The following ANO6 variants were observed in gnomAD, a reference collection of about 807,000 sequenced individuals.
The protein encoded by ANO6 is anoctamin-6.
A neutral mutation model predicts 117.5 loss-of-function variants in ANO6; 106 were observed. The ratio of observed to expected loss-of-function variants is 0.90; its 90% confidence interval spans 0.77 to 1.06. ANO6 has a LOEUF of 1.06. Ranked by LOEUF, ANO6 falls within the 50% of genes least tolerant of loss-of-function variation. The pLI is 0.00. For synonymous variants in ANO6, 367 were observed against 385.1 expected (o/e 0.95, Z 0.55); for missense variants, 955 against 1,121.1 (o/e 0.85, Z 2.12).
Position 45,350,643 on chromosome 12 carries a change from C to T in ANO6, c.748-16C>T. ...ACGATGATTATGGTGCTTACATGTT[C>T]CCTTCTGCGTCACAGTGCAAATTCC... On this transcript the variant is annotated splice_polypyrimidine_tract_variant and intron_variant, in intron 6 of 19. Coordinates refer to ENST00000320560, the MANE Select transcript of ANO6 (RefSeq NM_001025356.3). The T allele has an allele frequency of 6.3e-7, 1 of 1,593,548 alleles. No individual in the cohort carries two copies. Among genetic ancestry groups the T allele is most frequent in the Non-Finnish European group, 8.6e-7 (1 of 1,161,756 alleles).
At chr12:45,438,255 G>A (rs371009855) in intron 19 of ANO6, among the ~76,000 whole-genome samples, 1 of 123,426 alleles carries the variant, frequency 8.1e-6, no homozygotes, top group East Asian at 3.9e-4. Context: ...GCGTGTATGT[G>A]TGTGTGTGTG....
At chr12:45,232,644 A>G (rs1947589563) in intron 1 of ANO6, among the ~76,000 whole-genome samples, 1 of 152,236 alleles carries the variant, frequency 6.6e-6, no homozygotes. Context: ...CAGGCTCACA[A>G]GTCCAGTCGT....
intron 1 of ANO6, among the ~76,000 whole-genome samples, chr12:45,216,721 C>T (rs1297819950): frequency 6.6e-6 from 1 of 152,234 alleles, no homozygotes; most frequent in African/African-American, 2.4e-5. Flanking sequence ...GTCACTTCCC[C>T]GACTCGCAGA....
chr12:45,226,682 T>C (rs758817794), intron 1 of ANO6, among the ~76,000 whole-genome samples: 1 of 152,108 alleles, frequency 6.6e-6, no homozygotes, highest in Non-Finnish European at 1.5e-5. Flanking sequence ...ACAAACAAAA[T>C]GATGGCTAAA....
At chr12:45,366,217 C>G (rs1012138871) in intron 8 of ANO6, among the ~76,000 whole-genome samples, 1 of 150,314 alleles carries the variant, frequency 6.7e-6, no homozygotes, top group African/African-American at 2.5e-5. Context: ...CAATTTGTGG[C>G]TTATATTTTT....
intron 1 of ANO6, among the ~76,000 whole-genome samples, chr12:45,237,264 C>T (rs1173667822): frequency 1.3e-5 from 2 of 152,154 alleles, no homozygotes; most frequent in African/African-American, 4.8e-5. Flanking sequence ...CTTATGTTGC[C>T]ATTGCTTCTG....
chr12:45,273,847 A>G lies in ANO6; in HGVS notation c.71-28167A>G, dbSNP rs142813396. 8.5e-5 allele frequency among the ~76,000 whole-genome samples: 13 copies of G among 152,258 alleles called. No homozygotes were observed. The East Asian group carries it at 2.3e-3, about 27-fold the overall frequency. ...GAGGCATAGTGTTCTAAATGAACTG[A>G]GGGTTACTAAGTGGTCTGAATACAC... On this transcript the variant is annotated intron_variant, in intron 1 of 19. Coordinates refer to ENST00000320560, the MANE Select transcript of ANO6 (RefSeq NM_001025356.3).
rs535762925 is a variant in ANO6 at position 45,274,256 on chromosome 12, T to A, written c.71-27758T>A. On this transcript the variant is annotated intron_variant, in intron 1 of 19. Coordinates refer to ENST00000320560, the MANE Select transcript of ANO6 (RefSeq NM_001025356.3). ...CTTATGTCCACTCCTTATCTCTCCC[T>A]TGCTTTACAGCTGTCGGCTTTACTT... Among the ~76,000 whole-genome samples the A allele has an allele frequency of 3.3e-5, 5 of 152,332 alleles. No individual in the cohort carries two copies. In the East Asian group the frequency reaches 7.7e-4, roughly 23 times the overall value.
At chr12:45,353,991 G>C (rs1375854895) in intron 7 of ANO6, among the ~76,000 whole-genome samples, 1 of 152,152 alleles carries the variant, frequency 6.6e-6, no homozygotes, top group Admixed American at 6.5e-5. Flanking sequence ...TAAAAAATTA[G>C]ATCAGTCCAG....
intron 19 of ANO6, among the ~76,000 whole-genome samples, chr12:45,438,251 ATGTGTGTGTG>A (rs58453929): frequency 6.8e-6 from 1 of 146,652 alleles, no homozygotes; most frequent in Non-Finnish European, 1.5e-5. Flanking sequence ...ATTTGCGTGT[ATGTGTGTGTG>A]TGTGTGTGTG....
intron 17 of ANO6, among the ~76,000 whole-genome samples, chr12:45,417,833 G>T (rs934088196): frequency 2.0e-5 from 3 of 152,140 alleles, no homozygotes; most frequent in African/African-American, 7.2e-5. Flanking sequence ...TGTAGTTTAG[G>T]CTCTGGATGA....
At chr12:45,223,019 T>C (rs1439496971) in intron 1 of ANO6, among the ~76,000 whole-genome samples, 1 of 152,266 alleles carries the variant, frequency 6.6e-6, no homozygotes. Context: ...TGGAGGTACC[T>C]GAAGGTAGCT....
At chr12:45,235,393 T>C in intron 1 of ANO6, among the ~76,000 whole-genome samples, 1 of 152,226 alleles carries the variant, frequency 6.6e-6, no homozygotes, top group African/African-American at 2.4e-5. Flanking sequence ...GGGTACAGTT[T>C]CCTGCAATAA....
chr12:45,440,111 T>A (rs1943754438), exon 20 of ANO6: 15 of 573,260 alleles, frequency 2.6e-5, no homozygotes, highest in Non-Finnish European at 3.9e-5. Flanking sequence ...CAAGCTTTTA[T>A]ATGTATAGTT....
chr12:45,343,973 C>T, intron 3 of ANO6, among the ~76,000 whole-genome samples: 1 of 152,144 alleles, frequency 6.6e-6, no homozygotes, highest in East Asian at 1.9e-4. Context: ...CGGGGCCTAG[C>T]TCGAGTGCCA....
chr12:45,436,778 G>A (rs147134392), downstream of ANO6, among the ~76,000 whole-genome samples: 3,922 of 152,234 alleles, frequency 0.026, 171 homozygotes, highest in African/African-American at 0.087. Flanking sequence ...GACCAGCCTG[G>A]CCAACATGGT....
chr12:45,238,375 T>G (rs1947681994), intron 1 of ANO6, among the ~76,000 whole-genome samples: 1 of 152,084 alleles, frequency 6.6e-6, no homozygotes, highest in African/African-American at 2.4e-5. Context: ...GGTCTCGAAC[T>G]CCCAACCTCA....
At chr12:45,424,616 C>CA (rs1384742072) in intron 19 of ANO6, among the ~76,000 whole-genome samples, 1 of 152,066 alleles carries the variant, frequency 6.6e-6, no homozygotes, top group Non-Finnish European at 1.5e-5. Flanking sequence ...GGATTATAGG[C>CA]ATGAGCCACT....
intron 1 of ANO6, among the ~76,000 whole-genome samples, chr12:45,298,303 C>T (rs1592932513): frequency 1.3e-5 from 2 of 152,026 alleles, no homozygotes; most frequent in South Asian, 4.1e-4. Flanking sequence ...CAACATATTA[C>T]GTTAAGAAAA....
Sources: allele counts gnomAD v4.1 joint callset (sites outside exome capture counted in the v4.1 genomes callset), GRCh38; gene constraint gnomAD v4.1.1; transcripts MANE v1.5; gene names NCBI Gene and HGNC (gene_info 2026-07-23, HGNC 2026-07-21).